Variants in BBS9 observed in about 807,000 individuals in gnomAD.
BBS9 encodes protein PTHB1.
A neutral mutation model predicts 117.7 loss-of-function variants in BBS9; 89 were observed. The ratio of observed to expected loss-of-function variants is 0.76; its 90% CI spans 0.64 to 0.90. BBS9 has a LOEUF of 0.90. Among genes scored for constraint, BBS9 ranks in the 40% least tolerant of loss-of-function variants. BBS9 has a pLI of 0.00. For synonymous variants in BBS9, 379 were observed against 370.9 expected (o/e 1.02, Z -0.25); for missense variants, 982 against 1,042.2 (o/e 0.94, Z 0.80).
intron 20 of BBS9, among the ~76,000 whole-genome samples, chr7:33,513,213 A>C (rs1847229867): frequency 6.6e-6 from 1 of 152,154 alleles, no homozygotes; most frequent in Non-Finnish European, 1.5e-5. Context: ...TTTTTTCTTC[A>C]CTTAAAATTG....
At chr7:33,237,202 G>A (rs944991684) in intron 5 of BBS9, among the ~76,000 whole-genome samples, 7 of 152,080 alleles carry the variant, frequency 4.6e-5, no homozygotes, top group Admixed American at 6.6e-5. Flanking sequence ...TGTTCAATGC[G>A]TTTATAAACA....
chr7:33,483,663 C>G (rs890899236), intron 19 of BBS9, among the ~76,000 whole-genome samples: 1 of 150,704 alleles, frequency 6.6e-6, no homozygotes, highest in African/African-American at 2.5e-5. Context: ...GCCAGAATCT[C>G]ACTCTATTGC....
At chr7:33,267,245 T>A (rs1798982863) in intron 7 of BBS9, among the ~76,000 whole-genome samples, 1 of 152,150 alleles carries the variant, frequency 6.6e-6, no homozygotes, top group Non-Finnish European at 1.5e-5. Flanking sequence ...TTCTTTTGAT[T>A]AGTGTTATTC....
intron 9 of BBS9, among the ~76,000 whole-genome samples, chr7:33,293,856 A>G (rs772556979): frequency 6.6e-6 from 1 of 151,938 alleles, no homozygotes; most frequent in Non-Finnish European, 1.5e-5. Context: ...TTATTTCATC[A>G]CTTTCTTCTG....
At position 33,604,984 on chromosome 7, in the gene BBS9, C is replaced by T; in HGVS notation, c.2632+9C>T. 2 of 1,592,064 alleles carry T rather than the reference C, an allele frequency of 1.3e-6. No individual in the cohort carries two copies. The highest frequency in any genetic ancestry group is 1.7e-6 in the Non-Finnish European group (2 of 1,160,116). On this transcript the variant is annotated intron_variant, in intron 22 of 22. Transcript: ENST00000242067. ...AGAGACACCCAGGCCTGGTAAGAGA[C>T]TGGATGGCCTTCACAAGCGTTAGTT...
chr7:33,594,436 T>C (rs62449375), intron 21 of BBS9, among the ~76,000 whole-genome samples: 1 of 152,066 alleles, frequency 6.6e-6, no homozygotes, highest in Non-Finnish European at 1.5e-5. Flanking sequence ...CAGCATTGTT[T>C]TGCAAAAACA....
At position 33,388,083 on chromosome 7, in the gene BBS9, A is replaced by G; in HGVS notation, c.2054A>G (p.Lys685Arg). ...AIQRRLLARF[K>R]DKTPAPLQHL... The stretch of plus-strand genomic sequence containing the variant: ...CAACGCCGGCTACTAGCAAGATTCA[A>G]AGATAAAACTCCTGCCCCTCTTCAA... Residue 685 changes from lysine (K) to arginine (R), a missense_variant, in exon 19 of 23, where the codon AAA becomes AGA. Transcript: ENST00000242067. The G allele has an allele frequency of 6.2e-7, 1 of 1,614,166 alleles. No individual in the cohort carries two copies. Among genetic ancestry groups the G allele is most frequent in the South Asian group, 1.1e-5 (1 of 91,082 alleles).
intron 5 of BBS9, among the ~76,000 whole-genome samples, chr7:33,191,590 G>A (rs1784128564): frequency 6.6e-6 from 1 of 152,180 alleles, no homozygotes; most frequent in South Asian, 2.1e-4. Context: ...GAGAAGGCAG[G>A]GCCTAAGCAG....
intron 21 of BBS9, among the ~76,000 whole-genome samples, chr7:33,565,294 G>A (rs1185529094): frequency 6.6e-6 from 1 of 151,946 alleles, no homozygotes; most frequent in African/African-American, 2.4e-5. Flanking sequence ...CTTCACTTCT[G>A]AGCCATTCCT....
intron 1 of BBS9, among the ~76,000 whole-genome samples, chr7:33,131,723 C>G (rs1789642668): frequency 6.6e-6 from 1 of 152,052 alleles, no homozygotes; most frequent in African/African-American, 2.4e-5. Flanking sequence ...ATGAGGTGTT[C>G]AAGACCAGCC....
intron 21 of BBS9, among the ~76,000 whole-genome samples, chr7:33,595,126 G>A (rs921303795): frequency 2.6e-5 from 4 of 152,122 alleles, no homozygotes; most frequent in Admixed American, 1.3e-4. Flanking sequence ...TCAAGACATA[G>A]GCATGGGCAA....
intron 9 of BBS9, among the ~76,000 whole-genome samples, chr7:33,298,621 G>A (rs1805752083): frequency 6.6e-6 from 1 of 152,126 alleles, no homozygotes; most frequent in African/African-American, 2.4e-5. Flanking sequence ...AAAGAGTTAG[G>A]TATTTCCTGG....
intron 19 of BBS9, among the ~76,000 whole-genome samples, chr7:33,442,834 C>A (rs1836416804): frequency 6.6e-6 from 1 of 152,074 alleles, no homozygotes; most frequent in South Asian, 2.1e-4. Context: ...TAGTTATAAG[C>A]AGCCATTACC....
intron 19 of BBS9, among the ~76,000 whole-genome samples, chr7:33,401,325 A>G (rs1828882311): frequency 6.6e-6 from 1 of 152,156 alleles, no homozygotes; most frequent in Non-Finnish European, 1.5e-5. Context: ...AAAGTATTTG[A>G]GAGGATCTGC....
chr7:33,546,196 G>A (rs1038369947), intron 21 of BBS9, among the ~76,000 whole-genome samples: 18 of 152,036 alleles, frequency 1.2e-4, no homozygotes, highest in Admixed American at 3.3e-4. Flanking sequence ...GCCTCCCAAA[G>A]TGCTGGGATT....
At chr7:33,558,730 T>C (rs997703939) in intron 21 of BBS9, among the ~76,000 whole-genome samples, 1 of 152,162 alleles carries the variant, frequency 6.6e-6, no homozygotes, top group African/African-American at 2.4e-5. Flanking sequence ...CCGCAGCATG[T>C]TGAAATAGCA....
chr7:33,490,328 T>C (rs1252192392), intron 19 of BBS9, among the ~76,000 whole-genome samples: 1 of 151,688 alleles, frequency 6.6e-6, no homozygotes, highest in Non-Finnish European at 1.5e-5. Flanking sequence ...CTTTTTTCTT[T>C]TTCTTTTTTG....
chr7:33,336,770 C>T, intron 10 of BBS9, 148 bp downstream of exon 10: 1 of 639,434 alleles, frequency 1.6e-6, no homozygotes, highest in Admixed American at 2.7e-5. Flanking sequence ...CTCTTTAGCA[C>T]ACAAGGTCTT....
At chr7:33,475,333 C>CT (rs1255851800) in intron 19 of BBS9, among the ~76,000 whole-genome samples, 1 of 152,202 alleles carries the variant, frequency 6.6e-6, no homozygotes, top group Non-Finnish European at 1.5e-5. Flanking sequence ...ACCAGTAACT[C>CT]TGAAACATTA....
Sources: allele counts gnomAD v4.1 joint callset (sites outside exome capture counted in the v4.1 genomes callset), GRCh38; gene constraint gnomAD v4.1.1; transcripts MANE v1.5; gene names NCBI Gene and HGNC (gene_info 2026-07-23, HGNC 2026-07-21).